The following CEP164 variants were observed in gnomAD, a reference collection of about 807,000 sequenced individuals.
CEP164 encodes centrosomal protein of 164 kDa.
Under a neutral mutation model 182.7 loss-of-function variants are expected in CEP164, and 162 were observed. The ratio of observed to expected loss-of-function variants is 0.89; its 90% CI spans 0.78 to 1.01. The LOEUF (loss-of-function observed/expected upper bound fraction) is 1.01. CEP164 is among the 50% of genes least tolerant of loss of function. CEP164 has a pLI of 0.00. For synonymous variants in CEP164, 661 were observed against 690.0 expected (o/e 0.96, Z 0.66); for missense variants, 1,735 against 1,790.4 (o/e 0.97, Z 0.56).
rs180742426 is a variant in CEP164, at chr11:117,364,649, G to A, written c.765+1143G>A. On this transcript the variant is annotated intron_variant, in intron 8 of 32. Coordinates refer to ENST00000278935, the MANE Select transcript of CEP164 (RefSeq NM_014956.5). Reference sequence around the variant, plus strand: ...AGCCTCCCAAGTAGCTGGGACCACAGGCGCCCGCCACCACACCCGGCTATT... The same window carrying A: ...AGCCTCCCAAGTAGCTGGGACCACAAGCGCCCGCCACCACACCCGGCTATT... Among the ~76,000 whole-genome samples the A allele has an allele frequency of 2.3e-3, 353 of 151,540 alleles. 14 individuals are homozygous for A. In the South Asian group the frequency reaches 0.047, roughly 20 times the overall value.
At chr11:117,332,385 A>G (rs1049152005) in intron 1 of CEP164, among the ~76,000 whole-genome samples, 13 of 151,958 alleles carry the variant, frequency 8.6e-5, no homozygotes, top group Non-Finnish European at 1.5e-5. Flanking sequence ...GACCAGCCTG[A>G]CCAACATGGA....
chr11:117,368,088 T>C (rs2041838153), intron 8 of CEP164, among the ~76,000 whole-genome samples: 1 of 152,232 alleles, frequency 6.6e-6, no homozygotes, highest in Non-Finnish European at 1.5e-5. Context: ...TGTTATGTGC[T>C]AGAAACTAAG....
chr11:117,327,560 C>T (rs1017350007), upstream of CEP164, among the ~76,000 whole-genome samples: 1 of 151,720 alleles, frequency 6.6e-6, no homozygotes, highest in Non-Finnish European at 1.5e-5. Context: ...CCTCGGCCTC[C>T]CAAATTGCTG....
At chr11:117,376,643 C>T (rs1207871158) in intron 11 of CEP164, among the ~76,000 whole-genome samples, 1 of 152,148 alleles carries the variant, frequency 6.6e-6, no homozygotes, top group Non-Finnish European at 1.5e-5. Context: ...AGCCTTGGAG[C>T]CTTTAGTGAA....
intron 27 of CEP164, among the ~76,000 whole-genome samples, chr11:117,403,390 C>A (rs2046353073): frequency 6.6e-6 from 1 of 152,170 alleles, no homozygotes; most frequent in Admixed American, 6.5e-5. Context: ...TCAGCATTTG[C>A]TTGTCTGTAT....
chr11:117,383,825 T>G (rs1344816375), intron 14 of CEP164, among the ~76,000 whole-genome samples: 3 of 152,100 alleles, frequency 2.0e-5, no homozygotes, highest in African/African-American at 7.2e-5. Context: ...TCACCTGAGG[T>G]CAGGAGTTTG....
At chr11:117,377,892 C>T (rs2042920250) in intron 11 of CEP164, among the ~76,000 whole-genome samples, 1 of 151,816 alleles carries the variant, frequency 6.6e-6, no homozygotes, top group Non-Finnish European at 1.5e-5. Flanking sequence ...TGGAGTTTCC[C>T]TCTGTTACCT....
intron 26 of CEP164, 150 bp from the exon 27 acceptor site, chr11:117,396,941 A>T: frequency 1.4e-6 from 1 of 717,400 alleles, no homozygotes; most frequent in Admixed American, 2.9e-5. Flanking sequence ...TGGGTATTGA[A>T]CAGTGGCATC....
At chr11:117,369,336 A>G (rs924901528) in intron 8 of CEP164, among the ~76,000 whole-genome samples, 15 of 152,218 alleles carry the variant, frequency 9.9e-5, no homozygotes, top group Non-Finnish European at 2.2e-4. Flanking sequence ...AGTGAAAGAA[A>G]CTGAGGCACA....
chr11:117,346,184 A>T (rs1310116518), intron 4 of CEP164, among the ~76,000 whole-genome samples: 1 of 152,144 alleles, frequency 6.6e-6, no homozygotes, highest in Non-Finnish European at 1.5e-5. Context: ...CCAGCTGCAT[A>T]CCAGCTTTTA....
chr11:117,397,465 A>G, intron 27 of CEP164, 152 bp downstream of exon 27: 1 of 645,474 alleles, frequency 1.5e-6, no homozygotes, highest in Non-Finnish European at 2.7e-6. Flanking sequence ...TTACTTGGCA[A>G]TGCATAGTAT....
intron 4 of CEP164, among the ~76,000 whole-genome samples, chr11:117,345,756 G>A (rs1332665235): frequency 1.3e-5 from 2 of 151,646 alleles, no homozygotes; most frequent in Admixed American, 6.6e-5. Context: ...GCACGATCTC[G>A]GCTCACTGCA....
At position 117,382,842 on chromosome 11, in the gene CEP164, C is replaced by A. The variant is rs754651271; in HGVS notation, c.1624C>A (p.Gln542Lys). ...TGCTGCCTGTGAGAAGGGCAAGGAG[C>A]AGCATTCCCAGGCCGAGGAGCTGGG... Reference protein sequence around the residue: ...PPAACEKGKEQHSQAEELGPG... With the variant: ...PPAACEKGKEKHSQAEELGPG... The change falls in exon 14 of 33, where the codon CAG (glutamine) becomes AAG (lysine). Residue 542 changes from glutamine to lysine, a missense_variant. By Grantham distance (53) the Gln-to-Lys change is moderately conservative (BLOSUM62 1). Transcript: ENST00000278935. The A allele has an allele frequency of 2.5e-6, 4 of 1,614,174 alleles. No homozygotes were observed. The South Asian group carries it at 4.4e-5, about 18-fold the overall frequency.
At chr11:117,378,323 T>C (rs1195208671) in intron 11 of CEP164, among the ~76,000 whole-genome samples, 1 of 152,232 alleles carries the variant, frequency 6.6e-6, no homozygotes, top group Non-Finnish European at 1.5e-5. Context: ...CAGAAAATTT[T>C]CTGTGTACAT....
chr11:117,380,588 A>G, intron 11 of CEP164, 26 bp from the exon 12 acceptor site: 3 of 1,568,452 alleles, frequency 1.9e-6, no homozygotes, highest in Non-Finnish European at 2.6e-6. Context: ...CTCCAACACA[A>G]ACTTTTTATT....
chr11:117,326,261 T>TC (rs977546655), upstream of CEP164, among the ~76,000 whole-genome samples: 1 of 151,864 alleles, frequency 6.6e-6, no homozygotes, highest in Non-Finnish European at 1.5e-5. Flanking sequence ...TCTTGCTCTG[T>TC]CACCCAGGCT....
At chr11:117,400,597 A>G (rs1188826824) in intron 27 of CEP164, among the ~76,000 whole-genome samples, 2 of 152,336 alleles carry the variant, frequency 1.3e-5, no homozygotes, top group African/African-American at 4.8e-5. Context: ...TTTTCACAAT[A>G]TTGATTCTTC....
chr11:117,369,046 A>G (rs571408318), intron 8 of CEP164, among the ~76,000 whole-genome samples: 97 of 152,320 alleles, frequency 6.4e-4, no homozygotes, highest in African/African-American at 2.0e-3. Flanking sequence ...AACCAAAGCC[A>G]TTGGGAACAT....
At chr11:117,335,128 G>A (rs487298) in intron 1 of CEP164, among the ~76,000 whole-genome samples, 1 of 151,948 alleles carries the variant, frequency 6.6e-6, no homozygotes, top group Non-Finnish European at 1.5e-5. Flanking sequence ...TCTGCCACCC[G>A]GGTTCCTGGT....
Sources: allele counts gnomAD v4.1 joint callset (sites outside exome capture counted in the v4.1 genomes callset), GRCh38; gene constraint gnomAD v4.1.1; transcripts MANE v1.5; gene names NCBI Gene and HGNC (gene_info 2026-07-23, HGNC 2026-07-21).